S100B: variants seen among roughly 807,000 people sequenced by gnomAD.
S100B encodes the protein protein S100-B.
A neutral mutation model predicts 7.7 loss-of-function variants in S100B; 6 were observed. The observed-to-expected ratio is 0.78, with a 90% CI of 0.43 to 1.54. The LOEUF is 1.54. Ranked by LOEUF, S100B falls within the 40% of genes most tolerant of loss-of-function variation. The pLI, the probability that S100B is intolerant of heterozygous loss-of-function variation, is 0.01. For synonymous variants in S100B, 36 were observed against 40.4 expected, an observed-to-expected ratio of 0.89 and a Z score of 0.41; for missense variants, 99 against 111.8, an observed-to-expected ratio of 0.89 and a Z score of 0.52.
At chr21:46,604,988 T>A (rs536421861) in intron 1 of S100B, 25 bp downstream of exon 1, 3 of 152,410 alleles carry the variant, frequency 2.0e-5, no homozygotes, top group Admixed American at 6.5e-5. Flanking sequence ...TTCCTGAGCG[T>A]CCTCTTGGCC....
chr21:46,602,632 G>A (rs1271184748), intron 1 of S100B: 4 of 481,918 alleles, frequency 8.3e-6, no homozygotes, highest in East Asian at 3.4e-5. Flanking sequence ...CTGTGGGCCT[G>A]CCTTCTCTGT....
In S100B at chr21:46,599,322, G is replaced by T; in HGVS notation, c.*41C>A. On this transcript the variant is annotated 3_prime_UTR_variant, in exon 3 of 3. Transcript: ENST00000291700. Reference sequence around the variant, plus strand: ...GCCCTTGCTGTCTGCTTTCTTGCATGACCGTCTCTGTTACAGGAAAGGTTT... The same window carrying T: ...GCCCTTGCTGTCTGCTTTCTTGCATTACCGTCTCTGTTACAGGAAAGGTTT... 1 of 1,596,698 alleles carries T rather than the reference G, an allele frequency of 6.3e-7. No individual in the cohort carries two copies. The highest frequency in any genetic ancestry group is 1.1e-5 in the South Asian group (1 of 89,218).
At chr21:46,603,392 A>AGGGGGGGGCGGGGGGGGGGCGGGGG (rs1555923741) in intron 1 of S100B, among the ~76,000 whole-genome samples, 1 of 38,206 alleles carries the variant, frequency 2.6e-5, no homozygotes, top group Non-Finnish European at 4.9e-5. Flanking sequence ...GGACGGCGGG[A>AGGGGGGGGCGGGGGGGGGGCGGGGG]GGGGGTGGGG....
chr21:46,600,413 C>A, intron 2 of S100B: 1 of 431,338 alleles, frequency 2.3e-6, no homozygotes, highest in Non-Finnish European at 4.6e-6. Context: ...TGGGCATGGT[C>A]CATGTGCCCG....
chr21:46,599,097 A>G lies in S100B; in HGVS notation c.*266T>C. 1 of 489,262 alleles carries G rather than the reference A, an allele frequency of 2.0e-6. No individual in the cohort carries two copies. 30.3% of individuals were successfully genotyped at this position (489,262 alleles called of 1,614,324 possible). A position where few individuals can be genotyped will look rare whatever the true frequency, so the allele number is the denominator to read the frequency against. On this transcript the variant is annotated 3_prime_UTR_variant, in exon 3 of 3. Coordinates refer to ENST00000291700, the MANE Select transcript of S100B (RefSeq NM_006272.3). ...CTGCACGGTGCACGCTTTATCACTG[A>G]GACCTGACTCCTAAGTTACTGTTAA...
chr21:46,603,225 T>C (rs563800610), intron 1 of S100B, among the ~76,000 whole-genome samples: 5 of 151,916 alleles, frequency 3.3e-5, no homozygotes, highest in African/African-American at 1.2e-4. Context: ...GAAAGTTATT[T>C]GATCTACCAG....
chr21:46,599,699 T>C (rs1437622804), intron 2 of S100B, among the ~76,000 whole-genome samples, 196 bp from the exon 3 acceptor site: 2 of 151,964 alleles, frequency 1.3e-5, no homozygotes, highest in Non-Finnish European at 2.9e-5. Flanking sequence ...GGTCAGTGTC[T>C]GGCCCTGAGC....
intron 2 of S100B, 142 bp from the exon 3 acceptor site, chr21:46,599,645 T>C: frequency 1.3e-6 from 1 of 795,968 alleles, no homozygotes; most frequent in African/African-American, 1.7e-5. Flanking sequence ...AGAAAAGATG[T>C]CTCATGTGAC....
rs182595297 is a variant in S100B, at chr21:46,603,244, A to G, written c.-1-828T>C. ...GTTATTTGATCTACCAGGAAAAAAA[A>G]ATGTATCCTAAGTTTAACTGATCAA... On this transcript the variant is annotated intron_variant, in intron 1 of 2. Transcript: ENST00000291700. Among the ~76,000 whole-genome samples the G allele has an allele frequency of 8.3e-4, 126 of 151,868 alleles. 2 individuals are homozygous for G. The highest frequency in any genetic ancestry group is 2.8e-3 in the African/African-American group (117 of 41,366).
chr21:46,602,216 A>G, intron 2 of S100B, 62 bp downstream of exon 2: 1 of 1,440,354 alleles, frequency 6.9e-7, no homozygotes, highest in Non-Finnish European at 9.6e-7. Context: ...AGATAAAGCC[A>G]GTGTACAGAT....
At chr21:46,599,876 G>C (rs1235494928) in intron 2 of S100B, among the ~76,000 whole-genome samples, 1 of 152,186 alleles carries the variant, frequency 6.6e-6, no homozygotes, top group Non-Finnish European at 1.5e-5. Context: ...TCTGTGTGTG[G>C]AAGTCCCTGT....
chr21:46,603,392 A>AGGGGGGGGGGGGG (rs1555923741), intron 1 of S100B, among the ~76,000 whole-genome samples: 1 of 38,204 alleles, frequency 2.6e-5, no homozygotes, highest in African/African-American at 1.0e-4. Context: ...GGACGGCGGG[A>AGGGGGGGGGGGGG]GGGGGTGGGG....
intron 2 of S100B, 74 bp downstream of exon 2, chr21:46,602,204 G>T: frequency 7.4e-7 from 1 of 1,347,592 alleles, no homozygotes; most frequent in Non-Finnish European, 1.0e-6. Context: ...GGGCAGCTGA[G>T]AAGATAAAGC....
chr21:46,600,799 T>C (rs886684824), intron 2 of S100B, among the ~76,000 whole-genome samples: 35 of 152,182 alleles, frequency 2.3e-4, no homozygotes, highest in African/African-American at 7.7e-4. Flanking sequence ...AAAATAATAA[T>C]AGTAGCTACT....
intron 1 of S100B, among the ~76,000 whole-genome samples, chr21:46,603,392 A>AGGGGGGGGGCGGGGGG (rs1555923741): frequency 2.6e-5 from 1 of 38,206 alleles, no homozygotes; most frequent in African/African-American, 1.0e-4. Context: ...GGACGGCGGG[A>AGGGGGGGGGCGGGGGG]GGGGGTGGGG....
chr21:46,599,780 GA>G (rs3061065), intron 2 of S100B, among the ~76,000 whole-genome samples: 50,589 of 148,940 alleles, frequency 0.34, 8,943 homozygotes, highest in Admixed American at 0.38. Context: ...TAAAATACCT[GA>G]AAAAAAAAAA....
intron 1 of S100B, among the ~76,000 whole-genome samples, chr21:46,604,453 C>G (rs2061051847): frequency 6.6e-6 from 1 of 152,146 alleles, no homozygotes; most frequent in South Asian, 2.1e-4. Flanking sequence ...CCACCAAAAC[C>G]CCGATTTCTT....
chr21:46,603,745 T>A (rs1164083411), intron 1 of S100B, among the ~76,000 whole-genome samples: 1 of 152,252 alleles, frequency 6.6e-6, no homozygotes, highest in Non-Finnish European at 1.5e-5. Context: ...TTATTTCTGA[T>A]CCTCCGAAGG....
chr21:46,602,477 T>G (rs1213253817), intron 1 of S100B, 61 bp from the exon 2 acceptor site: 8 of 1,546,116 alleles, frequency 5.2e-6, no homozygotes, highest in Non-Finnish European at 7.1e-6. Context: ...ACATTTCATA[T>G]GTTATCAATA....
Sources: gnomAD v4.1 joint callset for allele counts (sites outside exome capture counted in the v4.1 genomes callset) on GRCh38, gnomAD v4.1.1 for gene constraint, MANE v1.5 for transcripts, NCBI Gene and HGNC (gene_info 2026-07-23, HGNC 2026-07-21) for gene names.